Variants in ATP2A1 observed in about 807,000 individuals in gnomAD.
ATP2A1 encodes ATPase sarcoplasmic/endoplasmic reticulum Ca2+ transporting 1, also known as sarcoplasmic/endoplasmic reticulum calcium ATPase 1.
In ATP2A1, 83 loss-of-function variants were observed where a neutral mutation model predicts 109.5. The observed-to-expected ratio is 0.76, with a 90% confidence interval of 0.63 to 0.91. ATP2A1 has a LOEUF of 0.91. ATP2A1 is among the 40% of genes least tolerant of loss of function. The pLI, the probability that ATP2A1 is intolerant of heterozygous loss-of-function variation, is 0.00. For missense variants in ATP2A1, 1,101 were observed against 1,341.0 expected, an observed-to-expected ratio of 0.82 and a Z score of 2.80; for synonymous variants, 505 against 537.6, an observed-to-expected ratio of 0.94 and a Z score of 0.84.
At position 28,902,177 on chromosome 16, in the gene ATP2A1, C is replaced by G; in HGVS notation, c.2322-7C>G. On this transcript the variant is annotated splice_region_variant and splice_polypyrimidine_tract_variant and intron_variant, in intron 16 of 22. Transcript: ENST00000395503. This position sits in a 1 kb window ranked among gnomAD's most constrained non-coding sequence, Gnocchi z 4.8. Reference sequence around the variant, plus strand: ...AGGACAGAGGTGTGACCACCTCCTTCCCACAGTATCTTCCTGACCGCTGCC... The same window carrying G: ...AGGACAGAGGTGTGACCACCTCCTTGCCACAGTATCTTCCTGACCGCTGCC... 1 of 1,614,174 alleles carries G rather than the reference C, an allele frequency of 6.2e-7. No homozygotes were observed. Among genetic ancestry groups the G allele is most frequent in the Non-Finnish European group, 8.5e-7 (1 of 1,180,008 alleles).
chr16:28,903,010 C>T lies in ATP2A1; in HGVS notation c.2745-20C>T. The T allele has an allele frequency of 1.2e-6, 2 of 1,613,430 alleles. No individual in the cohort carries two copies. The highest frequency in any genetic ancestry group is 8.5e-7 in the Non-Finnish European group (1 of 1,179,654). On this transcript the variant is annotated intron_variant, in intron 19 of 22. Transcript: ENST00000395503. The surrounding 1 kb of genome is among the most constrained non-coding windows in gnomAD (Gnocchi z 5.6). ...TCCTTCCTCCTCACTGTGCCTTCTCCCTCCCCTTCCCCTCTGCAGCCTGTC... is the reference window on the plus strand; with the variant it reads ...TCCTTCCTCCTCACTGTGCCTTCTCTCTCCCCTTCCCCTCTGCAGCCTGTC...
intron 9 of ATP2A1, among the ~76,000 whole-genome samples, chr16:28,889,933 G>A (rs944679691): frequency 6.6e-6 from 1 of 152,154 alleles, no homozygotes; most frequent in Non-Finnish European, 1.5e-5. Context: ...CACGAGGTCA[G>A]GAGTTCGAGA....
At chr16:28,904,063 A>G in intron 22 of ATP2A1, 117 bp from the exon 23 acceptor site, 1 of 993,616 alleles carries the variant, frequency 1.0e-6, no homozygotes, top group Non-Finnish European at 1.6e-6. Flanking sequence ...TAGGGGAGAA[A>G]CTGGCAGGGT....
chr16:28,882,599 A>G lies in ATP2A1; in HGVS notation c.463+10A>G, dbSNP rs920913786. 6.2e-7 allele frequency: 1 copy of G among 1,613,784 alleles called. No individual in the cohort carries two copies. Among genetic ancestry groups the G allele is most frequent in the African/African-American group, 1.3e-5 (1 of 74,944 alleles). ...ATCGTGGAGGTGGCTGGTGAGTGACAGGGACGGCTGGTCCAGGATGGGAGG... is the reference window on the plus strand; with the variant it reads ...ATCGTGGAGGTGGCTGGTGAGTGACGGGGACGGCTGGTCCAGGATGGGAGG... On this transcript the variant is annotated intron_variant, in intron 5 of 22. Transcript: ENST00000395503.
rs368234110 is a variant in ATP2A1, at chr16:28,902,629, C to G, written c.2574C>G (p.Tyr858Ter). The G allele has an allele frequency of 2.5e-5, 41 of 1,614,064 alleles. No homozygotes were observed. The highest frequency in any genetic ancestry group is 3.3e-5 in the Non-Finnish European group (39 of 1,179,984). The change falls in exon 18 of 23, where the codon TAC becomes TAG. Residue 858 changes from tyrosine to a stop codon, truncating the protein, a stop_gained. Coordinates refer to ENST00000395503, the MANE Select transcript of ATP2A1 (RefSeq NM_004320.6). LOFTEE classifies it high-confidence loss of function. The surrounding 1 kb of genome is among the most constrained non-coding windows in gnomAD (Gnocchi z 4.8). ...TVGAAAWWFL[Y>*]AEDGPHVNYS... The stretch of plus-strand genomic sequence containing the variant: ...GAGCAGCTGCCTGGTGGTTCCTGTA[C>G]GCTGAGGATGGGCCTCATGTCAACT...
At position 28,882,455 on chromosome 16, in the gene ATP2A1, G is replaced by T. The variant is rs768820110; in HGVS notation, c.329G>T (p.Arg110Leu). ...ANAIVGVWQE[R>L]NAENAIEALK... Reference sequence around the variant, plus strand: ...TCCTCCACCCTGTCTCCTCAGGAGCGGAACGCAGAGAACGCCATCGAGGCC... The same window carrying T: ...TCCTCCACCCTGTCTCCTCAGGAGCTGAACGCAGAGAACGCCATCGAGGCC... The change falls in exon 5 of 23, where the codon CGG (arginine) becomes CTG (leucine). Residue 110 changes from arginine (R) to leucine (L), a missense_variant. Arg to Leu is a moderately radical substitution (Grantham distance 102, BLOSUM62 -2). Coordinates refer to ENST00000395503, the MANE Select transcript of ATP2A1 (RefSeq NM_004320.6). The T allele has an allele frequency of 2.5e-6, 4 of 1,614,148 alleles. No individual in the cohort carries two copies. In the Admixed American group the frequency reaches 6.7e-5, roughly 27 times the overall value.
intron 2 of ATP2A1, 54 bp from the exon 3 acceptor site, chr16:28,879,447 G>C: frequency 6.4e-7 from 1 of 1,552,980 alleles, no homozygotes; most frequent in Non-Finnish European, 8.9e-7. Context: ...CTCCATCCCA[G>C]ACCTTCACCC....
intron 6 of ATP2A1, 130 bp from the exon 7 acceptor site, chr16:28,887,059 A>C (rs774456493): frequency 1.1e-5 from 10 of 897,500 alleles, no homozygotes; most frequent in Admixed American, 1.9e-5. Context: ...TCCAGAGTCC[A>C]GACATCCCCC....
chr16:28,900,818 G>A lies in ATP2A1; in HGVS notation c.2002G>A (p.Glu668Lys). Residue 668 changes from glutamate to lysine, a missense_variant, in exon 15 of 23, where the codon GAA becomes AAA. By Grantham distance (56) the Glu-to-Lys change is moderately conservative (BLOSUM62 1). Coordinates refer to ENST00000395503, the MANE Select transcript of ATP2A1 (RefSeq NM_004320.6). ...CGACCTGCCCCTGGCTGAACAGCGG[G>A]AAGCCTGCCGACGTGCCTGCTGCTT... ...FDDLPLAEQR[E>K]ACRRACCFAR... 1.2e-6 allele frequency: 2 copies of A among 1,614,232 alleles called. No individual in the cohort carries two copies. The highest frequency in any genetic ancestry group is 4.5e-5 in the East Asian group (2 of 44,874).
At chr16:28,879,962 A>C in intron 3 of ATP2A1, 1 of 1,010,200 alleles carries the variant, frequency 9.9e-7, no homozygotes, top group Non-Finnish European at 1.2e-6. Flanking sequence ...CCGCTCCACC[A>C]ATCCCCGCGC....
chr16:28,879,292 C>T, intron 2 of ATP2A1, 176 bp downstream of exon 2: 1 of 939,776 alleles, frequency 1.1e-6, no homozygotes, highest in Non-Finnish European at 1.7e-6. Flanking sequence ...GGCGCTTTCT[C>T]CTTGAAGCAG....
intron 4 of ATP2A1, among the ~76,000 whole-genome samples, chr16:28,882,100 C>CT (rs778416146): frequency 0.018 from 1,589 of 90,284 alleles, 178 homozygotes; most frequent in African/African-American, 0.076. Context: ...CTACGCCCGG[C>CT]TTTTTTTTTT....
In ATP2A1 at chr16:28,903,131, A is replaced by C. The variant is rs370461278; in HGVS notation, c.2846A>C (p.Tyr949Ser). 2 of 1,612,854 alleles carry C rather than the reference A, an allele frequency of 1.2e-6. No homozygotes were observed. The highest frequency in any genetic ancestry group is 1.3e-5 in the African/African-American group (1 of 74,710). The change falls in exon 20 of 23, where the codon TAT (tyrosine) becomes TCT (serine). Residue 949 changes from tyrosine to serine, a missense_variant. Coordinates refer to ENST00000395503, the MANE Select transcript of ATP2A1 (RefSeq NM_004320.6). This position sits in a 1 kb window ranked among gnomAD's most constrained non-coding sequence, Gnocchi z 5.6. ...ATGTCCCTGCACTTCCTCATCCTCT[A>C]TGTTGACCCCCTGCCGGTGAGGTTT... Reference protein sequence around the residue: ...LSMSLHFLILYVDPLPMIFKL... With the variant: ...LSMSLHFLILSVDPLPMIFKL...
intron 14 of ATP2A1, among the ~76,000 whole-genome samples, chr16:28,899,982 C>CAAAAAAA (rs145297469): frequency 7.6e-6 from 1 of 132,036 alleles, no homozygotes. Flanking sequence ...AAAACAAAAA[C>CAAAAAAA]AAAAACAAAA....
intron 8 of ATP2A1, among the ~76,000 whole-genome samples, chr16:28,888,498 T>G (rs564598256): frequency 6.6e-6 from 1 of 152,252 alleles, no homozygotes; most frequent in South Asian, 2.1e-4. Context: ...AATCTCGAAC[T>G]CCTGGATTCA....
At position 28,894,836 on chromosome 16, in the gene ATP2A1, T is replaced by C. The variant is rs141198778; in HGVS notation, c.1302T>C (p.Tyr434=). ...GCCCATCTCAGGCCAAAGGTGTCTA[T>C]GAGAAGGTCGGCGAGGCCACCGAGA... is the stretch of plus-strand genomic sequence containing the variant. ...SLDFNEAKGV[Y]EKVGEATETA... Residue 434 remains tyrosine, a synonymous_variant, in exon 12 of 23, where the codon TAT becomes TAC. Transcript: ENST00000395503. 3.6e-5 allele frequency: 58 copies of C among 1,611,472 alleles called. No homozygotes were observed. The highest frequency in any genetic ancestry group is 1.6e-4 in the South Asian group (15 of 91,068).
chr16:28,902,326 CG>C lies in ATP2A1; in HGVS notation c.2466del (p.Ser823AlafsTer48). On this transcript the variant is annotated frameshift_variant, in exon 17 of 23. Transcript: ENST00000395503. LOFTEE classifies it high-confidence loss of function. The surrounding 1 kb of genome is among the most constrained non-coding windows in gnomAD (Gnocchi z 4.8). ...PDLDIMDRPP[R>X]SPKEPLISGW... ...CCTGGACATCATGGACCGCCCCCCC[CG>C]GAGCCCCAAGGAGCCCCTCATCAGT... 1 of 1,614,152 alleles carries C rather than the reference CG, an allele frequency of 6.2e-7. No homozygotes were observed. The highest frequency in any genetic ancestry group is 8.5e-7 in the Non-Finnish European group (1 of 1,180,006).
intron 9 of ATP2A1, among the ~76,000 whole-genome samples, chr16:28,891,998 A>G (rs1963786005): frequency 6.6e-6 from 1 of 152,212 alleles, no homozygotes. Context: ...ATTTTTAAAA[A>G]CAACTTTGTA....
In ATP2A1 at chr16:28,902,214, T is replaced by C. The variant is rs774970211; in HGVS notation, c.2352T>C (p.Pro784=). ...TCCTGACCGCTGCCCTGGGGCTGCC[T>C]GAGGCCCTGATCCCGGTGCAGCTGC... ...CIFLTAALGL[P]EALIPVQLLW... Residue 784 remains proline (P), a synonymous_variant, in exon 17 of 23, where the codon CCT becomes CCC. Transcript: ENST00000395503. The surrounding 1 kb of genome is among the most constrained non-coding windows in gnomAD (Gnocchi z 4.8). 2.5e-6 allele frequency: 4 copies of C among 1,614,132 alleles called. No homozygotes were observed. Among genetic ancestry groups the C allele is most frequent in the Non-Finnish European group, 3.4e-6 (4 of 1,180,016 alleles).
Sources: allele counts gnomAD v4.1 joint callset (sites outside exome capture counted in the v4.1 genomes callset), GRCh38; gene constraint gnomAD v4.1.1; non-coding constraint Gnocchi (gnomAD v3.1); transcripts MANE v1.5; gene names NCBI Gene and HGNC (gene_info 2026-07-23, HGNC 2026-07-21).